C12orf42: variants seen among roughly 807,000 people sequenced by gnomAD.
The protein encoded by C12orf42 is chromosome 12 open reading frame 42, also known as uncharacterized protein C12orf42.
In C12orf42, 25 loss-of-function variants were observed where a neutral mutation model predicts 21.6. The observed-to-expected ratio is 1.16, with a 90% CI of 0.84 to 1.62. The LOEUF is 1.62. Among genes scored for constraint, C12orf42 ranks in the 40% most tolerant of loss-of-function variants. C12orf42 has a pLI of 0.00. For synonymous variants in C12orf42, 174 were observed against 175.0 expected (o/e 0.99, Z 0.05); for missense variants, 483 against 459.3 (o/e 1.05, Z -0.47).
At chr12:103,485,911 T>C (rs554497897) in intron 1 of C12orf42, among the ~76,000 whole-genome samples, 10 of 152,342 alleles carry the variant, frequency 6.6e-5, no homozygotes, top group South Asian at 6.2e-4. Context: ...AATCATGTCA[T>C]CTGCAAACAG....
At chr12:103,281,906 G>GAAAGAAA (rs1007989288) in intron 4 of C12orf42, among the ~76,000 whole-genome samples, 1 of 102,264 alleles carries the variant, frequency 9.8e-6, no homozygotes, top group African/African-American at 3.8e-5. Flanking sequence ...AGAAAGAAAA[G>GAAAGAAA]AAGAAAGAAA....
At chr12:103,425,377 G>C (rs12302389) in intron 2 of C12orf42, among the ~76,000 whole-genome samples, 1 of 152,016 alleles carries the variant, frequency 6.6e-6, no homozygotes, top group Non-Finnish European at 1.5e-5. Context: ...CCTGCCCCCC[G>C]TGCCTCCTGA....
intron 3 of C12orf42, among the ~76,000 whole-genome samples, chr12:103,389,067 C>T (rs2046856539): frequency 6.6e-6 from 1 of 152,204 alleles, no homozygotes; most frequent in Non-Finnish European, 1.5e-5. Flanking sequence ...AAACCTGACC[C>T]ATGCCAGGGG....
chr12:103,501,844 T>C, the C12orf42 span, among the ~76,000 whole-genome samples: 1 of 152,200 alleles, frequency 6.6e-6, no homozygotes, highest in Non-Finnish European at 1.5e-5. Context: ...ACATCTTTTA[T>C]TTAACTCACA....
the C12orf42 span, among the ~76,000 whole-genome samples, chr12:103,230,175 G>A: frequency 1.3e-5 from 2 of 151,358 alleles, no homozygotes; most frequent in Non-Finnish European, 2.9e-5. Context: ...TATGGGCACA[G>A]CTTAGCTGGG....
At chr12:103,373,010 G>A (rs1349242409) in intron 3 of C12orf42, among the ~76,000 whole-genome samples, 2 of 152,130 alleles carry the variant, frequency 1.3e-5, no homozygotes, top group Non-Finnish European at 2.9e-5. Flanking sequence ...GATGCATTTT[G>A]CTTCTTAAAA....
chr12:103,448,869 T>C (rs1951746448), intron 2 of C12orf42, among the ~76,000 whole-genome samples: 1 of 151,988 alleles, frequency 6.6e-6, no homozygotes, highest in Non-Finnish European at 1.5e-5. Context: ...ACAACCACAG[T>C]ATACAACACA....
the C12orf42 span, among the ~76,000 whole-genome samples, chr12:103,139,236 A>G: frequency 1.6e-4 from 25 of 152,230 alleles, 1 homozygote; most frequent in African/African-American, 5.1e-4. Flanking sequence ...GCATTATTAA[A>G]CCAGATTATA....
chr12:103,101,616 C>T, the C12orf42 span, among the ~76,000 whole-genome samples: 22,828 of 152,186 alleles, frequency 0.15, 1,939 homozygotes, highest in Admixed American at 0.22. Context: ...ATGTCTAGAA[C>T]CCAAACTACC....
At chr12:103,087,394 A>C in the C12orf42 span, among the ~76,000 whole-genome samples, 9 of 152,212 alleles carry the variant, frequency 5.9e-5, no homozygotes, top group South Asian at 2.1e-4. Context: ...ACTAGTGAGA[A>C]ACATGGAGCA....
the C12orf42 span, among the ~76,000 whole-genome samples, chr12:103,113,515 A>AATT: frequency 0.012 from 1,790 of 152,192 alleles, 34 homozygotes; most frequent in African/African-American, 0.041. Flanking sequence ...TTTTCTCCTA[A>AATT]AGTTTTGGTT....
intron 10 of C12orf42, among the ~76,000 whole-genome samples, chr12:103,254,766 T>C (rs1480256930): frequency 1.3e-5 from 2 of 151,842 alleles, no homozygotes; most frequent in Admixed American, 6.6e-5. Context: ...TGCTGGGGGA[T>C]TGTGTGGGGA....
At chr12:103,116,894 T>A in the C12orf42 span, among the ~76,000 whole-genome samples, 1 of 152,206 alleles carries the variant, frequency 6.6e-6, no homozygotes, top group South Asian at 2.1e-4. Flanking sequence ...CTTTTTTAAA[T>A]TTAATTTTAT....
intron 4 of C12orf42, among the ~76,000 whole-genome samples, chr12:103,330,047 C>T (rs1404912227): frequency 6.6e-6 from 1 of 152,066 alleles, no homozygotes; most frequent in Non-Finnish European, 1.5e-5. Context: ...ACCTCCTTTG[C>T]TCATTTACTC....
chr12:103,294,601 A>AAAG (rs2037104290), intron 4 of C12orf42, among the ~76,000 whole-genome samples: 1 of 140,440 alleles, frequency 7.1e-6, no homozygotes, highest in Non-Finnish European at 1.5e-5. Flanking sequence ...AGAAAGAAAG[A>AAAG]AAGAAAGAAA....
chr12:103,519,000 G>A, the C12orf42 span, among the ~76,000 whole-genome samples: 3 of 152,146 alleles, frequency 2.0e-5, no homozygotes, highest in African/African-American at 7.2e-5. Context: ...CCCATGTCAA[G>A]GGAGAGACCA....
chr12:103,112,024 G>C, the C12orf42 span, among the ~76,000 whole-genome samples: 1 of 152,182 alleles, frequency 6.6e-6, no homozygotes, highest in South Asian at 2.1e-4. Context: ...ATGAGTTTTA[G>C]TCTGTGGTCT....
At chr12:103,053,818 G>A in the C12orf42 span, among the ~76,000 whole-genome samples, 3 of 151,800 alleles carry the variant, frequency 2.0e-5, no homozygotes, top group Admixed American at 1.3e-4. Flanking sequence ...GCCTGTGAAC[G>A]TCCACTTGCT....
chr12:103,059,862 A>G, the C12orf42 span, among the ~76,000 whole-genome samples: 1 of 152,180 alleles, frequency 6.6e-6, no homozygotes, highest in Non-Finnish European at 1.5e-5. Flanking sequence ...TGACAAACCC[A>G]TAGCCAATGT....
Sources: gnomAD v4.1 joint callset for allele counts (sites outside exome capture counted in the v4.1 genomes callset) on GRCh38, gnomAD v4.1.1 for gene constraint, MANE v1.5 for transcripts, NCBI Gene and HGNC (gene_info 2026-07-23, HGNC 2026-07-21) for gene names.